The following WDFY4 variants were observed in gnomAD, a reference collection of about 807,000 sequenced individuals.
WDFY4 encodes WD repeat- and FYVE domain-containing protein 4.
Under a neutral mutation model 351.9 loss-of-function variants are expected in WDFY4, and 169 were observed. The ratio of observed to expected loss-of-function variants is 0.48; its 90% confidence interval spans 0.42 to 0.55. The LOEUF (loss-of-function observed/expected upper bound fraction) is 0.55. WDFY4 is among the 20% of genes least tolerant of loss of function. The pLI is 0.00. For missense variants in WDFY4, 3,803 were observed against 3,935.6 expected, an observed-to-expected ratio of 0.97 and a Z score of 0.90; for synonymous variants, 1,622 against 1,574.6, an observed-to-expected ratio of 1.03 and a Z score of -0.71.
chr10:48,780,510 C>T (rs1260960375), intron 19 of WDFY4, among the ~76,000 whole-genome samples: 1 of 152,158 alleles, frequency 6.6e-6, no homozygotes, highest in Non-Finnish European at 1.5e-5. Flanking sequence ...CAGGTGAGGC[C>T]AACGCAGCTC....
intron 14 of WDFY4, among the ~76,000 whole-genome samples, chr10:48,775,454 A>G (rs185080291): frequency 2.0e-4 from 30 of 152,314 alleles, no homozygotes; most frequent in African/African-American, 7.2e-4. Context: ...ACTTATAAAC[A>G]ATTACTACAA....
intron 47 of WDFY4, among the ~76,000 whole-genome samples, chr10:48,905,709 T>C (rs566036009): frequency 9.3e-4 from 141 of 152,262 alleles, no homozygotes; most frequent in African/African-American, 3.2e-3. Context: ...CCCCGCAGAG[T>C]GCTGACCCTC....
chr10:48,853,334 G>T (rs886578607), intron 39 of WDFY4, among the ~76,000 whole-genome samples: 2 of 152,166 alleles, frequency 1.3e-5, no homozygotes, highest in African/African-American at 4.8e-5. Flanking sequence ...ATGTCTTCAT[G>T]TCACACAAAC....
At chr10:48,967,163 G>T (rs1447856253) in intron 55 of WDFY4, 1 of 153,920 alleles carries the variant, frequency 6.5e-6, no homozygotes, top group Non-Finnish European at 1.4e-5. Context: ...AAGAACATGT[G>T]CTCTGGGGCA....
intron 35 of WDFY4, chr10:48,823,408 C>G (rs2133010873): frequency 1.7e-6 from 2 of 1,206,966 alleles, no homozygotes; most frequent in African/African-American, 1.6e-5. Context: ...GAGGACCACT[C>G]TCCTTCCTCT....
At chr10:48,808,140 T>C (rs905417645) in intron 28 of WDFY4, among the ~76,000 whole-genome samples, 182 bp downstream of exon 28, 3 of 152,248 alleles carry the variant, frequency 2.0e-5, no homozygotes, top group Non-Finnish European at 4.4e-5. Flanking sequence ...CCCTAAGATA[T>C]TCTGATGCAA....
chr10:48,807,099 T>A (rs1044882144), intron 27 of WDFY4, among the ~76,000 whole-genome samples: 8 of 152,204 alleles, frequency 5.3e-5, no homozygotes, highest in Non-Finnish European at 7.3e-5. Flanking sequence ...GACCAAAATC[T>A]GAATAGACGG....
chr10:48,765,577 C>T (rs769688542), intron 13 of WDFY4, among the ~76,000 whole-genome samples: 15 of 152,088 alleles, frequency 9.9e-5, no homozygotes, highest in East Asian at 3.8e-4. Flanking sequence ...TTATAACAAC[C>T]GTGCATGGTG....
chr10:48,743,489 G>A lies in WDFY4; in HGVS notation c.2400G>A (p.Lys800=). The A allele has an allele frequency of 6.5e-7, 1 of 1,544,300 alleles. No homozygotes were observed. The highest frequency in any genetic ancestry group is 8.7e-7 in the Non-Finnish European group (1 of 1,146,802). Reference sequence around the variant, plus strand: ...AGGGGCCGGTTGTGGATGTTCAGAAGGGAGAAACTGGCAGTGACCCCCAAC... The same window carrying A: ...AGGGGCCGGTTGTGGATGTTCAGAAAGGAGAAACTGGCAGTGACCCCCAAC... ...TKQGPVVDVQ[K]GETGSDPQRN... Residue 800 remains lysine, a synonymous_variant, in exon 12 of 62, where the codon AAG becomes AAA. Transcript: ENST00000325239.
At chr10:48,740,145 A>G (rs1384242016) in intron 11 of WDFY4, among the ~76,000 whole-genome samples, 1 of 152,208 alleles carries the variant, frequency 6.6e-6, no homozygotes, top group Admixed American at 6.5e-5. Context: ...GAAAGCACTC[A>G]CATAAATTTA....
intron 35 of WDFY4, 38 bp from the exon 36 acceptor site, chr10:48,826,633 A>G: frequency 6.8e-7 from 1 of 1,480,620 alleles, no homozygotes; most frequent in Non-Finnish European, 9.2e-7. Context: ...TAAAGCACTC[A>G]CAAGTTTGTG....
chr10:48,920,266 A>G (rs893270180), intron 47 of WDFY4, among the ~76,000 whole-genome samples: 1 of 152,034 alleles, frequency 6.6e-6, no homozygotes, highest in African/African-American at 2.4e-5. Flanking sequence ...GCTAGAGCGG[A>G]CAAAAAACCA....
chr10:48,827,547 T>C (rs959936902), intron 36 of WDFY4, among the ~76,000 whole-genome samples: 1 of 147,678 alleles, frequency 6.8e-6, no homozygotes, highest in Admixed American at 6.6e-5. Context: ...TCAGTGTGCA[T>C]GAACCACATT....
chr10:48,699,038 A>T (rs946807940), intron 1 of WDFY4, among the ~76,000 whole-genome samples: 1 of 152,224 alleles, frequency 6.6e-6, no homozygotes, highest in African/African-American at 2.4e-5. Context: ...CAGAAAGCAC[A>T]TGCTACAGGG....
intron 15 of WDFY4, among the ~76,000 whole-genome samples, chr10:48,776,372 G>A (rs1221508611): frequency 6.6e-6 from 1 of 152,152 alleles, no homozygotes; most frequent in Non-Finnish European, 1.5e-5. Context: ...GGAGCCCAGA[G>A]CTTACAAGGA....
chr10:48,824,083 A>G (rs75408414), intron 35 of WDFY4: 41 of 985,300 alleles, frequency 4.2e-5, no homozygotes, highest in Non-Finnish European at 4.8e-5. Context: ...TGTATGGACC[A>G]GTCCATGCTA....
At chr10:48,919,208 A>G (rs1412290924) in intron 47 of WDFY4, among the ~76,000 whole-genome samples, 4 of 152,176 alleles carry the variant, frequency 2.6e-5, no homozygotes, top group Non-Finnish European at 1.5e-5. Context: ...CAAATTACAC[A>G]TATCAGGAGT....
intron 47 of WDFY4, among the ~76,000 whole-genome samples, chr10:48,928,551 C>T (rs561171882): frequency 6.6e-6 from 1 of 152,292 alleles, no homozygotes; most frequent in African/African-American, 2.4e-5. Context: ...TCCCTGAGTG[C>T]AGGCTTTCAG....
At chr10:48,720,171 A>G (rs1443135632) in intron 3 of WDFY4, 46 bp downstream of exon 3, 1 of 1,530,966 alleles carries the variant, frequency 6.5e-7, no homozygotes, top group South Asian at 1.2e-5. Context: ...AGAGCAGTGC[A>G]GCCCTGCATG....
Sources: gnomAD v4.1 joint callset for allele counts (sites outside exome capture counted in the v4.1 genomes callset) on GRCh38, gnomAD v4.1.1 for gene constraint, MANE v1.5 for transcripts, NCBI Gene and HGNC (gene_info 2026-07-23, HGNC 2026-07-21) for gene names.